Variants in IL1RAPL1 observed in about 807,000 individuals in gnomAD.
IL1RAPL1 encodes the protein interleukin-1 receptor accessory protein-like 1.
Under a neutral mutation model 48.4 loss-of-function variants are expected in IL1RAPL1, and 3 were observed. The observed-to-expected ratio is 0.06, with a 90% CI of 0.03 to 0.16. The LOEUF (loss-of-function observed/expected upper bound fraction) is 0.16. Among genes scored for constraint, IL1RAPL1 ranks in the 10% least tolerant of loss-of-function variants. The pLI is 1.00. For missense variants in IL1RAPL1, 349 were observed against 530.6 expected (o/e 0.66, Z 3.36); for synonymous variants, 185 against 187.7 (o/e 0.99, Z 0.12).
rs1407013856 is a variant in IL1RAPL1 at position 29,832,878 on chromosome X, A to C, written c.779-84586A>C. Among the ~76,000 whole-genome samples, 8 of 110,083 alleles carry C rather than the reference A, an allele frequency of 7.3e-5. No homozygotes were observed. In the Admixed American group the frequency reaches 7.8e-4, roughly 11 times the overall value. ...GATGTTCACTGTCAGGGATAAAACA[A>C]ATTCACAAATATTTGGTACACGCTG... On this transcript the variant is annotated intron_variant, in intron 6 of 10. Transcript: ENST00000378993.
intron 6 of IL1RAPL1, among the ~76,000 whole-genome samples, chrX:29,803,579 A>G (rs1389620254): frequency 9.8e-6 from 1 of 101,910 alleles, no homozygotes; most frequent in Non-Finnish European, 2.0e-5. Flanking sequence ...GTATACATAT[A>G]TGTATCCATA....
intron 2 of IL1RAPL1, among the ~76,000 whole-genome samples, chrX:29,144,813 G>A (rs891631188): frequency 4.8e-5 from 5 of 103,636 alleles, no homozygotes; most frequent in Non-Finnish European, 9.8e-5. Flanking sequence ...TTCAACCTCC[G>A]CCTCCCGGGT....
intron 5 of IL1RAPL1, among the ~76,000 whole-genome samples, chrX:29,638,246 A>G (rs184774401): frequency 1.8e-3 from 187 of 106,786 alleles, no homozygotes; most frequent in African/African-American, 5.8e-3. Context: ...TAATGTTAAC[A>G]TCTGCTGTCA....
At position 29,165,723 on chromosome X, in the gene IL1RAPL1, AT is replaced by A. The variant is rs771767694; in HGVS notation, c.83-117214del. Among the ~76,000 whole-genome samples, 33 of 112,261 alleles carry A rather than the reference AT, an allele frequency of 2.9e-4. 1 individual carries two copies. The highest frequency in any genetic ancestry group is 1.1e-3 in the African/African-American group (33 of 30,969). ...AGTGATTTCTCTTACGCTGTGCTAT[AT>A]CACTAAAAGATTTTATAGTTTCCCT... On this transcript the variant is annotated intron_variant, in intron 2 of 10. Transcript: ENST00000378993.
chrX:28,679,189 C>T (rs1007623518), intron 1 of IL1RAPL1, among the ~76,000 whole-genome samples: 2 of 111,778 alleles, frequency 1.8e-5, no homozygotes, highest in African/African-American at 6.5e-5. Context: ...CCATAATTAG[C>T]GATGTTGAGC....
chrX:29,877,535 G>C (rs770379797), intron 6 of IL1RAPL1, among the ~76,000 whole-genome samples: 33 of 111,771 alleles, frequency 3.0e-4, no homozygotes, highest in Non-Finnish European at 5.5e-4. Flanking sequence ...CTACCGAAAA[G>C]GGTGATTAAC....
intron 2 of IL1RAPL1, among the ~76,000 whole-genome samples, chrX:29,154,039 G>A (rs1929518559): frequency 8.9e-6 from 1 of 111,910 alleles, no homozygotes; most frequent in Non-Finnish European, 1.9e-5. Context: ...GTTAGGCTTT[G>A]CATGTTCTGG....
intron 5 of IL1RAPL1, among the ~76,000 whole-genome samples, chrX:29,544,199 G>C (rs149448331): frequency 9.0e-6 from 1 of 111,459 alleles, no homozygotes; most frequent in Admixed American, 9.6e-5. Context: ...ATTCTCTTTC[G>C]TGGGAATTTG....
chrX:28,922,670 T>C (rs1210703305), intron 2 of IL1RAPL1, among the ~76,000 whole-genome samples: 1 of 111,970 alleles, frequency 8.9e-6, no homozygotes, highest in Non-Finnish European at 1.9e-5. Flanking sequence ...TCAGTAGCAC[T>C]GTCAAGCGAA....
intron 2 of IL1RAPL1, among the ~76,000 whole-genome samples, chrX:29,061,315 A>G (rs1353430589): frequency 8.9e-6 from 1 of 112,232 alleles, no homozygotes; most frequent in African/African-American, 3.2e-5. Context: ...TGCTTATTTT[A>G]AAATGAACAG....
intron 5 of IL1RAPL1, among the ~76,000 whole-genome samples, chrX:29,646,907 A>G (rs1234266522): frequency 1.8e-5 from 2 of 111,617 alleles, no homozygotes; most frequent in African/African-American, 3.3e-5. Context: ...CAGGCAAACA[A>G]AAGTCAAGGG....
intron 2 of IL1RAPL1, among the ~76,000 whole-genome samples, chrX:29,000,058 G>A (rs755068657): frequency 1.8e-5 from 2 of 111,314 alleles, no homozygotes; most frequent in Non-Finnish European, 3.8e-5. Context: ...CTTGCTACAA[G>A]ATAGCAGAAA....
intron 2 of IL1RAPL1, among the ~76,000 whole-genome samples, chrX:29,006,853 A>G (rs1046181518): frequency 9.0e-6 from 1 of 110,699 alleles, no homozygotes; most frequent in African/African-American, 3.3e-5. Context: ...TATCATTTAT[A>G]TATTTATAAA....
intron 3 of IL1RAPL1, among the ~76,000 whole-genome samples, chrX:29,291,157 C>A (rs762509496): frequency 2.7e-5 from 3 of 111,670 alleles, no homozygotes; most frequent in African/African-American, 9.8e-5. Flanking sequence ...CTGAATACAA[C>A]TGCTCAGGAG....
chrX:29,412,745 C>G (rs185996472), intron 5 of IL1RAPL1, among the ~76,000 whole-genome samples: 6 of 111,852 alleles, frequency 5.4e-5, no homozygotes, highest in Non-Finnish European at 9.4e-5. Context: ...TGTCTTAGTT[C>G]CATTGGTGGA....
intron 2 of IL1RAPL1, among the ~76,000 whole-genome samples, chrX:29,033,727 T>C (rs1926668909): frequency 9.0e-6 from 1 of 111,046 alleles, no homozygotes; most frequent in Non-Finnish European, 1.9e-5. Flanking sequence ...TTCGGAATAT[T>C]AGCAGGATTG....
At chrX:28,841,719 A>G (rs1921377206) in intron 2 of IL1RAPL1, among the ~76,000 whole-genome samples, 1 of 109,092 alleles carries the variant, frequency 9.2e-6, no homozygotes, top group Non-Finnish European at 1.9e-5. Flanking sequence ...AATAAAACAC[A>G]TTTTTTTTTC....
In IL1RAPL1 at chrX:28,795,660, A is replaced by AGTATTCCAACTTATTAACTT. The variant is rs752840444; in HGVS notation, c.82+6252_82+6271dup. Among the ~76,000 whole-genome samples, 28 of 111,321 alleles carry AGTATTCCAACTTATTAACTT rather than the reference A, an allele frequency of 2.5e-4. No individual in the cohort carries two copies. The Middle Eastern group carries it at 0.014, about 56-fold the overall frequency. ...GAATATTATTATTATTAGTTGTATT[A>AGTATTCCAACTTATTAACTT]GTATTCCAACTTATTAACTTGTATT... is the stretch of plus-strand genomic sequence containing the variant. On this transcript the variant is annotated intron_variant, in intron 2 of 10. Transcript: ENST00000378993.
chrX:29,294,518 G>GAA (rs764285236), intron 3 of IL1RAPL1, among the ~76,000 whole-genome samples: 2 of 68,497 alleles, frequency 2.9e-5, no homozygotes, highest in Non-Finnish European at 2.9e-5. Flanking sequence ...CTCCATCTCA[G>GAA]AAAAAAAAAA....
Sources: allele counts gnomAD v4.1 joint callset (sites outside exome capture counted in the v4.1 genomes callset), GRCh38; gene constraint gnomAD v4.1.1; transcripts MANE v1.5; gene names NCBI Gene and HGNC (gene_info 2026-07-23, HGNC 2026-07-21).